The following CUX2 variants were observed in gnomAD, a reference collection of about 807,000 sequenced individuals.
The protein encoded by CUX2 is cut like homeobox 2, also known as homeobox protein cut-like 2.
In CUX2, 40 loss-of-function variants were observed where a neutral mutation model predicts 144.8. That is an observed-to-expected ratio of 0.28 (90% CI 0.21 to 0.36). The LOEUF is 0.36. Among genes scored for constraint, CUX2 ranks in the 10% least tolerant of loss-of-function variants. The pLI is 1.00. For synonymous variants in CUX2, 827 were observed against 875.6 expected (o/e 0.94, Z 0.98); for missense variants, 1,615 against 1,994.0 (o/e 0.81, Z 3.62).
chr12:111,234,702 G>A (rs1189483012), intron 3 of CUX2, among the ~76,000 whole-genome samples: 2 of 151,072 alleles, frequency 1.3e-5, no homozygotes, highest in Admixed American at 1.3e-4. Flanking sequence ...TCTGAGGCAA[G>A]CCACTTCCCC....
At chr12:111,104,296 C>T (rs898600336) in intron 1 of CUX2, among the ~76,000 whole-genome samples, 14 of 152,128 alleles carry the variant, frequency 9.2e-5, no homozygotes, top group Non-Finnish European at 4.4e-5. Context: ...AAACAGGATC[C>T]GTGTTGAATG....
intron 6 of CUX2, among the ~76,000 whole-genome samples, chr12:111,294,423 T>G (rs1885858117): frequency 6.6e-6 from 1 of 151,964 alleles, no homozygotes; most frequent in South Asian, 2.1e-4. Flanking sequence ...TGCACATTTT[T>G]TTTTAATTAG....
At chr12:111,328,060 A>C (rs1440668093) in intron 18 of CUX2, among the ~76,000 whole-genome samples, 1 of 152,088 alleles carries the variant, frequency 6.6e-6, no homozygotes, top group African/African-American at 2.4e-5. Context: ...CCTGTCTCAA[A>C]AACAATAATA....
Position 111,320,613 on chromosome 12 carries a change from C to T in CUX2, c.2604C>T (p.Tyr868=), listed in dbSNP as rs183927879. ...TAEAGARLPY[Y]PAYVPRTLKP... is the part of the protein sequence containing the mutation. ...AGGCGGGCGCGCGGCTGCCCTACTA[C>T]CCGGCCTACGTGCCGCGCACCCTGA... The change falls in exon 17 of 22, where the codon TAC becomes TAT. Residue 868 remains tyrosine (Y), a synonymous_variant. Coordinates refer to ENST00000261726, the MANE Select transcript of CUX2 (RefSeq NM_015267.4). The surrounding 1 kb of genome is among the most constrained non-coding windows in gnomAD (Gnocchi z 8.1). 1.7e-4 allele frequency: 260 copies of T among 1,574,330 alleles called. No individual in the cohort carries two copies. The African/African-American group carries it at 2.9e-3, about 17-fold the overall frequency.
chr12:111,036,557 G>T (rs771846503), intron 1 of CUX2, among the ~76,000 whole-genome samples: 14 of 152,096 alleles, frequency 9.2e-5, no homozygotes, highest in South Asian at 4.2e-4. Flanking sequence ...ATAAAGGTAG[G>T]GGGTGGTGGA....
intron 1 of CUX2, among the ~76,000 whole-genome samples, chr12:111,099,090 A>G (rs1873024458): frequency 6.6e-6 from 1 of 152,242 alleles, no homozygotes; most frequent in Non-Finnish European, 1.5e-5. Context: ...TCATCTGCTC[A>G]GTGAAGGCAG....
intron 1 of CUX2, among the ~76,000 whole-genome samples, chr12:111,125,623 C>G (rs184614088): frequency 6.6e-6 from 1 of 152,204 alleles, no homozygotes; most frequent in Admixed American, 6.5e-5. Flanking sequence ...AGATATATCA[C>G]ATTTTATGTA....
chr12:111,212,349 G>T (rs750203481), intron 1 of CUX2, among the ~76,000 whole-genome samples: 1 of 151,998 alleles, frequency 6.6e-6, no homozygotes, highest in Non-Finnish European at 1.5e-5. Context: ...CCTGTGCTTC[G>T]GCAAGAATTG....
chr12:111,320,583 G>A lies in CUX2; in HGVS notation c.2574G>A (p.Thr858=), dbSNP rs544241130. Residue 858 remains threonine, a synonymous_variant, in exon 17 of 22, where the codon ACG becomes ACA. Coordinates refer to ENST00000261726, the MANE Select transcript of CUX2 (RefSeq NM_015267.4). This position sits in a 1 kb window ranked among gnomAD's most constrained non-coding sequence, Gnocchi z 8.1. ...GCGAGCTCAAGGCTGAGGGCGCGACGGCCGAGGCGGGCGCGCGGCTGCCCT... is the reference window on the plus strand; with the variant it reads ...GCGAGCTCAAGGCTGAGGGCGCGACAGCCGAGGCGGGCGCGCGGCTGCCCT... The part of the protein sequence containing the change: ...RTGELKAEGA[T]AEAGARLPYY... The A allele has an allele frequency of 5.3e-6, 8 of 1,516,114 alleles. No homozygotes were observed. The highest frequency in any genetic ancestry group is 1.9e-4 in the Middle Eastern group (1 of 5,320). 93.9% of individuals were successfully genotyped at this position (1,516,114 alleles called of 1,614,324 possible).
intron 3 of CUX2, among the ~76,000 whole-genome samples, chr12:111,259,640 A>G (rs1352703177): frequency 6.6e-6 from 1 of 151,698 alleles, no homozygotes; most frequent in African/African-American, 2.4e-5. Context: ...GAGGCAGGCA[A>G]ATCACTTGAG....
At position 111,186,140 on chromosome 12, in the gene CUX2, C is replaced by T. The variant is rs552268376; in HGVS notation, c.64-28060C>T. ...TAGATTTCGCTTTCACGTCCTCTCTCGGCATTTCTCCTCTTTCCCACTCTC... is the reference window on the plus strand; with the variant it reads ...TAGATTTCGCTTTCACGTCCTCTCTTGGCATTTCTCCTCTTTCCCACTCTC... On this transcript the variant is annotated intron_variant, in intron 1 of 21. Coordinates refer to ENST00000261726, the MANE Select transcript of CUX2 (RefSeq NM_015267.4). The surrounding 1 kb of genome is among the most constrained non-coding windows in gnomAD (Gnocchi z 4.4). 3.9e-5 allele frequency among the ~76,000 whole-genome samples: 6 copies of T among 152,154 alleles called. No homozygotes were observed. Among genetic ancestry groups the T allele is most frequent in the East Asian group, 1.9e-4 (1 of 5,152 alleles).
At chr12:111,183,812 C>G (rs899401613) in intron 1 of CUX2, among the ~76,000 whole-genome samples, 2 of 152,270 alleles carry the variant, frequency 1.3e-5, no homozygotes, top group Admixed American at 6.5e-5. Context: ...GGGAGTCCCA[C>G]CACCCCCTGC....
intron 18 of CUX2, among the ~76,000 whole-genome samples, chr12:111,329,492 G>A (rs895530756): frequency 4.6e-5 from 7 of 152,164 alleles, no homozygotes; most frequent in Non-Finnish European, 1.0e-4. Context: ...GAGTGGGATT[G>A]GGGGGTGGCT....
chr12:111,143,700 G>A (rs753764527), intron 1 of CUX2, among the ~76,000 whole-genome samples: 2 of 152,224 alleles, frequency 1.3e-5, no homozygotes, highest in Admixed American at 6.5e-5. Flanking sequence ...TTTTTCTGGA[G>A]GCCTCGCCGC....
chr12:111,155,495 A>G (rs1877313361), intron 1 of CUX2, among the ~76,000 whole-genome samples: 1 of 152,196 alleles, frequency 6.6e-6, no homozygotes, highest in Admixed American at 6.5e-5. Flanking sequence ...AAATCCAAAC[A>G]GACTTGCACT....
At chr12:111,217,135 T>G (rs1881581691) in intron 2 of CUX2, among the ~76,000 whole-genome samples, 1 of 152,118 alleles carries the variant, frequency 6.6e-6, no homozygotes, top group Admixed American at 6.5e-5. Context: ...TAGCCCAAGT[T>G]GCTGGGAACC....
chr12:111,223,617 GA>G (rs1391001368), intron 3 of CUX2, among the ~76,000 whole-genome samples: 1 of 152,178 alleles, frequency 6.6e-6, no homozygotes, highest in Non-Finnish European at 1.5e-5. Flanking sequence ...ACTACCTGGA[GA>G]CCACCCTGCA....
chr12:111,194,514 G>C (rs1880113790), intron 1 of CUX2, among the ~76,000 whole-genome samples: 1 of 152,220 alleles, frequency 6.6e-6, no homozygotes, highest in Non-Finnish European at 1.5e-5. Flanking sequence ...CCTTTCTGGA[G>C]AACTAGACTC....
chr12:111,227,931 C>T (rs764165407), intron 3 of CUX2, among the ~76,000 whole-genome samples: 2 of 152,184 alleles, frequency 1.3e-5, no homozygotes, highest in African/African-American at 2.4e-5. Flanking sequence ...GCACACATGG[C>T]CTCATGGGAG....
Sources: allele counts gnomAD v4.1 joint callset (sites outside exome capture counted in the v4.1 genomes callset), GRCh38; gene constraint gnomAD v4.1.1; non-coding constraint Gnocchi (gnomAD v3.1); transcripts MANE v1.5; gene names NCBI Gene and HGNC (gene_info 2026-07-23, HGNC 2026-07-21).